The following CDK8 variants were observed in gnomAD, a reference collection of about 807,000 sequenced individuals.
CDK8 encodes cyclin-dependent kinase 8.
A neutral mutation model predicts 71.5 loss-of-function variants in CDK8; 29 were observed. The ratio of observed to expected loss-of-function variants is 0.41; its 90% CI spans 0.30 to 0.55. The LOEUF (loss-of-function observed/expected upper bound fraction) is 0.55. CDK8 is among the 20% of genes least tolerant of loss of function. The pLI is 0.37. For missense variants in CDK8, 288 were observed against 572.6 expected (o/e 0.50, Z 5.07); for synonymous variants, 161 against 192.1 (o/e 0.84, Z 1.34).
chr13:26,390,259 GA>G (rs1875685196), intron 6 of CDK8, among the ~76,000 whole-genome samples: 1 of 152,144 alleles, frequency 6.6e-6, no homozygotes, highest in Admixed American at 6.5e-5. Context: ...ATAATTTGCT[GA>G]ATACATTCCA....
chr13:26,310,015 G>A (rs7335583), intron 1 of CDK8, among the ~76,000 whole-genome samples: 3,423 of 152,102 alleles, frequency 0.023, 100 homozygotes, highest in South Asian at 0.077. Context: ...CTCGGCCTCC[G>A]AAAGTGCTAG....
chr13:26,398,645 A>G (rs112380735), intron 9 of CDK8, among the ~76,000 whole-genome samples: 48 of 152,306 alleles, frequency 3.2e-4, no homozygotes, highest in African/African-American at 1.1e-3. Flanking sequence ...TTAAATTTTA[A>G]TCTCACCATT....
At chr13:26,265,031 A>G (rs1275081663) in intron 1 of CDK8, among the ~76,000 whole-genome samples, 9 of 152,236 alleles carry the variant, frequency 5.9e-5, no homozygotes, top group Admixed American at 5.9e-4. Context: ...TAGTGTTGCC[A>G]TAAACATGCG....
rs531645388 is a variant in CDK8 at position 26,255,162 on chromosome 13, C to T, written c.128+393C>T. Among the ~76,000 whole-genome samples, 28 of 151,920 alleles carry T rather than the reference C, an allele frequency of 1.8e-4. No homozygotes were observed. In the South Asian group the frequency reaches 5.8e-3, roughly 32 times the overall value. Reference sequence around the variant, plus strand: ...ATTTCCTCACCCGCCTCTGGAGTGTCATCCATCGGTCTAGAAGGAAGGCTG... The same window carrying T: ...ATTTCCTCACCCGCCTCTGGAGTGTTATCCATCGGTCTAGAAGGAAGGCTG... On this transcript the variant is annotated intron_variant, in intron 1 of 12. Transcript: ENST00000381527.
intron 1 of CDK8, among the ~76,000 whole-genome samples, chr13:26,306,787 C>T (rs1874065215): frequency 6.6e-6 from 1 of 152,014 alleles, no homozygotes; most frequent in African/African-American, 2.4e-5. Flanking sequence ...CACCACCACA[C>T]CTGGCTAATT....
chr13:26,288,167 C>T (rs1329089642), intron 1 of CDK8, among the ~76,000 whole-genome samples: 1 of 151,996 alleles, frequency 6.6e-6, no homozygotes, highest in Non-Finnish European at 1.5e-5. Context: ...TTTCACCATG[C>T]TGGCCAGGCT....
At chr13:26,350,995 GAT>G (rs1388709782) in intron 3 of CDK8, among the ~76,000 whole-genome samples, 1 of 151,570 alleles carries the variant, frequency 6.6e-6, no homozygotes, top group Non-Finnish European at 1.5e-5. Flanking sequence ...AAAACTTTGA[GAT>G]ATATATATAG....
At chr13:26,349,204 C>A (rs757801184) in intron 3 of CDK8, 22 bp downstream of exon 3, 20 of 1,249,740 alleles carry the variant, frequency 1.6e-5, no homozygotes, top group Non-Finnish European at 2.2e-5. Flanking sequence ...TGCTGGCAGA[C>A]ATGAGCAAAC....
chr13:26,394,780 T>C (rs910287230), intron 7 of CDK8, among the ~76,000 whole-genome samples: 35 of 152,280 alleles, frequency 2.3e-4, no homozygotes, highest in African/African-American at 8.4e-4. Context: ...AGCTAAAGAA[T>C]GAGAATCCAT....
rs117320474 is a variant in CDK8, at chr13:26,364,101, G to A, written c.456+10221G>A. Among the ~76,000 whole-genome samples, 1,035 of 152,288 alleles carry A rather than the reference G, an allele frequency of 6.8e-3. 8 individuals carry two copies. Among genetic ancestry groups the A allele is most frequent in the Middle Eastern group, 0.024 (7 of 294 alleles). ...AAATTGAGAAGCAAAGAGGCTAAAT[G>A]ACTTCATTATGGTTATTCAGAGAAC... On this transcript the variant is annotated intron_variant, in intron 4 of 12. Coordinates refer to ENST00000381527, the MANE Select transcript of CDK8 (RefSeq NM_001260.3).
chr13:26,263,807 C>T (rs1871895543), intron 1 of CDK8, among the ~76,000 whole-genome samples: 1 of 148,000 alleles, frequency 6.8e-6, no homozygotes, highest in Non-Finnish European at 1.5e-5. Flanking sequence ...AGTGCAGTGG[C>T]ACGATCTCGG....
At chr13:26,381,932 C>T (rs1269350843) in intron 4 of CDK8, among the ~76,000 whole-genome samples, 1 of 152,148 alleles carries the variant, frequency 6.6e-6, no homozygotes, top group Non-Finnish European at 1.5e-5. Context: ...TGATTTATGT[C>T]AGTATCCGAA....
Position 26,264,914 on chromosome 13 carries a change from T to C in CDK8, c.128+10145T>C, listed in dbSNP as rs1871956724. 2.0e-5 allele frequency among the ~76,000 whole-genome samples: 3 copies of C among 152,122 alleles called. No individual in the cohort carries two copies. The East Asian group carries it at 5.8e-4, about 29-fold the overall frequency. ...TGCTGCAAATGATATGATTTCCTTCTTTTTTGTGGCTGAATAGTATTCCAT... is the reference window on the plus strand; with the variant it reads ...TGCTGCAAATGATATGATTTCCTTCCTTTTTGTGGCTGAATAGTATTCCAT... On this transcript the variant is annotated intron_variant, in intron 1 of 12. Transcript: ENST00000381527.
intron 8 of CDK8, 68 bp from the exon 9 acceptor site, chr13:26,397,082 CAGA>C (rs1876030019): frequency 4.8e-6 from 4 of 827,436 alleles, no homozygotes; most frequent in Non-Finnish European, 8.3e-6. Context: ...TAATTCTCAT[CAGA>C]AGGACTTTAG....
intron 4 of CDK8, among the ~76,000 whole-genome samples, chr13:26,382,590 AGCCTTCT>A (rs1460123791): frequency 6.6e-6 from 1 of 152,236 alleles, no homozygotes; most frequent in Non-Finnish European, 1.5e-5. Context: ...GAAAAGCCTC[AGCCTTCT>A]GTGGAGAAAA....
At chr13:26,276,383 T>G (rs1872563461) in intron 1 of CDK8, among the ~76,000 whole-genome samples, 1 of 152,216 alleles carries the variant, frequency 6.6e-6, no homozygotes, top group Non-Finnish European at 1.5e-5. Context: ...ATTGACATCT[T>G]ATATGTGATT....
intron 2 of CDK8, among the ~76,000 whole-genome samples, chr13:26,348,254 G>T (rs1224513232): frequency 6.6e-6 from 1 of 152,140 alleles, no homozygotes; most frequent in Non-Finnish European, 1.5e-5. Context: ...TAGAGTAGAG[G>T]TTACCAGAGC....
At position 26,405,204 on chromosome 13, in the gene CDK8, T is replaced by A. The variant is rs1876453234; in HGVS notation, c.*1123T>A. 1 of 172,498 alleles carries A rather than the reference T, an allele frequency of 5.8e-6. No homozygotes were observed. Among genetic ancestry groups the A allele is most frequent in the East Asian group, 1.1e-4 (1 of 9,214 alleles). 10.7% of individuals were successfully genotyped at this position (172,498 alleles called of 1,614,324 possible). A position where few individuals can be genotyped will look rare whatever the true frequency, so the allele number is the denominator to read the frequency against. ...TAATTGAACATTGTTAAAAACAAGG[T>A]GTTATGTAATAAATTTATTTTTCAT... On this transcript the variant is annotated 3_prime_UTR_variant, in exon 13 of 13. Coordinates refer to ENST00000381527, the MANE Select transcript of CDK8 (RefSeq NM_001260.3).
chr13:26,400,375 A>G (rs749722832), intron 9 of CDK8, 78 bp from the exon 10 acceptor site: 8 of 869,800 alleles, frequency 9.2e-6, no homozygotes, highest in Admixed American at 3.9e-5. Context: ...ACCAAAAAAT[A>G]TATATCGTCT....
Sources: gnomAD v4.1 joint callset for allele counts (sites outside exome capture counted in the v4.1 genomes callset) on GRCh38, gnomAD v4.1.1 for gene constraint, MANE v1.5 for transcripts, NCBI Gene and HGNC (gene_info 2026-07-23, HGNC 2026-07-21) for gene names.